Variants in TFPI2 observed in about 807,000 individuals in gnomAD.
TFPI2 encodes the protein placental protein 5.
In TFPI2, 23 loss-of-function variants were observed where a neutral mutation model predicts 23.1. That is an observed-to-expected ratio of 1.00 (90% CI 0.72 to 1.41). The LOEUF (loss-of-function observed/expected upper bound fraction) is 1.41, where lower values mean the gene tolerates loss of function less well. Ranked by LOEUF, TFPI2 falls within the 40% of genes most tolerant of loss-of-function variation. The pLI, the probability that TFPI2 is intolerant of heterozygous loss-of-function variation, is 0.00. For synonymous variants in TFPI2, 119 were observed against 111.7 expected (o/e 1.07, Z -0.41); for missense variants, 291 against 299.6 (o/e 0.97, Z 0.21).
chr7:93,886,901 AATCAAT>A lies in TFPI2; in HGVS notation c.632-11_632-6del. 6.5e-7 allele frequency: 1 copy of A among 1,539,076 alleles called. No homozygotes were observed. The highest frequency in any genetic ancestry group is 8.6e-7 in the Non-Finnish European group (1 of 1,158,360). Reference sequence around the variant, plus strand: ...TCTTCTTTTTCTTTTTCAAAGCTAAAATCAATAAAACGACAATGAAAATCATACATC... The same window carrying A: ...TCTTCTTTTTCTTTTTCAAAGCTAAAAAAACGACAATGAAAATCATACATC... On this transcript the variant is annotated splice_polypyrimidine_tract_variant and splice_region_variant and intron_variant, in intron 4 of 4. Coordinates refer to ENST00000222543, the MANE Select transcript of TFPI2 (RefSeq NM_006528.4).
intron 3 of TFPI2, among the ~76,000 whole-genome samples, chr7:93,887,775 G>A (rs913339869): frequency 1.3e-5 from 2 of 152,156 alleles, no homozygotes; most frequent in East Asian, 1.9e-4. Flanking sequence ...AAATTTTGTC[G>A]TGTTGGTAGT....
chr7:93,887,183 G>C, intron 4 of TFPI2, 78 bp downstream of exon 4: 3 of 1,388,350 alleles, frequency 2.2e-6, no homozygotes, highest in Non-Finnish European at 2.9e-6. Context: ...TTAGTAAAAT[G>C]GATAAATAAA....
At chr7:93,886,920 A>G (rs1794003964) in intron 4 of TFPI2, 24 bp from the exon 5 acceptor site, 2 of 1,482,978 alleles carry the variant, frequency 1.3e-6, no homozygotes, top group Admixed American at 2.4e-5. Context: ...AACGACAATG[A>G]AAATCATACA....
At chr7:93,890,562 G>GGAGA (rs755194302) in intron 1 of TFPI2, 29 bp downstream of exon 1, 14 of 1,608,430 alleles carry the variant, frequency 8.7e-6, no homozygotes, top group Middle Eastern at 1.7e-4. Context: ...CGCCGGTTGG[G>GGAGA]GAGAGAAGCT....
rs183289875 is a variant in TFPI2, at chr7:93,885,888, T to A, written c.*932A>T. 1.5e-4 allele frequency: 23 copies of A among 152,164 alleles called. 1 individual carries two copies. Among genetic ancestry groups the A allele is most frequent in the Admixed American group, 1.2e-3 (19 of 15,290 alleles). 9.4% of individuals were successfully genotyped at this position (152,164 alleles called of 1,614,324 possible). Reference sequence around the variant, plus strand: ...ATATGTTAATCTTGCTATGAAAACATAAGAATTTAGAAAAATTGTTTTATT... The same window carrying A: ...ATATGTTAATCTTGCTATGAAAACAAAAGAATTTAGAAAAATTGTTTTATT... On this transcript the variant is annotated 3_prime_UTR_variant, in exon 5 of 5. Transcript: ENST00000222543.
chr7:93,885,654 A>C lies in TFPI2; in HGVS notation c.*1166T>G, dbSNP rs1294302457. ...ATCCTGGGAGTCAGAAGATATGCAT[A>C]TATAGATATTTTGCTAACTCCTCAT... is the stretch of plus-strand genomic sequence containing the variant. On this transcript the variant is annotated 3_prime_UTR_variant, in exon 5 of 5. Coordinates refer to ENST00000222543, the MANE Select transcript of TFPI2 (RefSeq NM_006528.4). The C allele has an allele frequency of 6.6e-6, 1 of 152,010 alleles. No homozygotes were observed. The highest frequency in any genetic ancestry group is 1.5e-5 in the Non-Finnish European group (1 of 67,932). 9.4% of individuals were successfully genotyped at this position (152,010 alleles called of 1,614,324 possible). A position where few individuals can be genotyped will look rare whatever the true frequency, so the allele number is the denominator to read the frequency against.
chr7:93,885,969 T>TAAA lies in TFPI2; in HGVS notation c.*850_*851insTTT, dbSNP rs1793982348. On this transcript the variant is annotated 3_prime_UTR_variant, in exon 5 of 5. Coordinates refer to ENST00000222543, the MANE Select transcript of TFPI2 (RefSeq NM_006528.4). ...ATGACCATATTTAATCAATGATAAT[T>TAAA]TACTGGTGAAATTTAAATTATTAAA... 6.6e-6 allele frequency: 1 copy of TAAA among 152,038 alleles called. No homozygotes were observed. The highest frequency in any genetic ancestry group is 2.4e-5 in the African/African-American group (1 of 41,426). 9.4% of individuals were successfully genotyped at this position (152,038 alleles called of 1,614,324 possible). A position where few individuals can be genotyped will look rare whatever the true frequency, so the allele number is the denominator to read the frequency against.
intron 3 of TFPI2, 135 bp from the exon 4 acceptor site, chr7:93,887,566 TTAA>T: frequency 1.5e-6 from 1 of 654,576 alleles, no homozygotes; most frequent in Non-Finnish European, 2.5e-6. Context: ...TACTAAACCT[TTAA>T]AAAGATGTGC....
In TFPI2 at chr7:93,888,540, GGAAA is replaced by G. The variant is rs1562778381; in HGVS notation, c.460+491_460+494del. 2.7e-3 allele frequency among the ~76,000 whole-genome samples: 247 copies of G among 90,824 alleles called. 2 individuals are homozygous for G. The highest frequency in any genetic ancestry group is 0.01 in the African/African-American group (201 of 19,204). 59.6% of individuals were successfully genotyped at this position (90,824 alleles called of 152,430 possible). A position where few individuals can be genotyped will look rare whatever the true frequency, so the allele number is the denominator to read the frequency against. On this transcript the variant is annotated intron_variant, in intron 3 of 4. Transcript: ENST00000222543. ...AAGAAAGAAAGAAGGAAGGAAGGAA[GGAAA>G]GAAGGAAGGAAGGAAGGAAGGAAGG...
intron 3 of TFPI2, among the ~76,000 whole-genome samples, chr7:93,888,658 A>AAAG (rs1794061186): frequency 1.5e-5 from 2 of 133,416 alleles, no homozygotes; most frequent in African/African-American, 5.0e-5. Flanking sequence ...AGAGAAAGAG[A>AAAG]AAGAAGAAAA....
At chr7:93,888,410 G>C (rs1426682886) in intron 3 of TFPI2, among the ~76,000 whole-genome samples, 1 of 151,808 alleles carries the variant, frequency 6.6e-6, no homozygotes, top group Non-Finnish European at 1.5e-5. Context: ...TGTAATCCCA[G>C]CATTTTGGGA....
chr7:93,887,204 T>A, intron 4 of TFPI2, 57 bp downstream of exon 4: 1 of 1,488,720 alleles, frequency 6.7e-7, no homozygotes, highest in East Asian at 2.4e-5. Flanking sequence ...AATATAATTT[T>A]TCTGATAAGT....
rs150637497 is a variant in TFPI2 at position 93,889,120 on chromosome 7, G to T, written c.375C>A (p.Phe125Leu). ...FNLSSMTCEK[F>L]FSGGCHRNRI... is the part of the protein sequence containing the mutation. ...GGTTCCGGTGACACCCACCGGAAAAGAATTTTTCACATGTCATGGAACTTA... is the reference window on the plus strand; with the variant it reads ...GGTTCCGGTGACACCCACCGGAAAATAATTTTTCACATGTCATGGAACTTA... Residue 125 changes from phenylalanine to leucine, a missense_variant, in exon 3 of 5, where the codon TTC (phenylalanine) becomes TTA (leucine). By Grantham distance (22) the Phe-to-Leu change is conservative. Transcript: ENST00000222543. 364 of 1,613,184 alleles carry T rather than the reference G, an allele frequency of 2.3e-4. No homozygotes were observed. Among genetic ancestry groups the T allele is most frequent in the Middle Eastern group, 9.9e-4 (6 of 6,082 alleles).
chr7:93,887,551 TATC>T, intron 3 of TFPI2, 120 bp from the exon 4 acceptor site: 1 of 731,608 alleles, frequency 1.4e-6, no homozygotes, highest in African/African-American at 1.8e-5. Context: ...GAATCCAAAA[TATC>T]ATACTAAACC....
At chr7:93,889,011 A>G (rs1327067442) in intron 3 of TFPI2, 24 bp downstream of exon 3, 1 of 1,570,930 alleles carries the variant, frequency 6.4e-7, no homozygotes, top group Non-Finnish European at 8.6e-7. Flanking sequence ...AGTGAAATAG[A>G]AATACCATAA....
chr7:93,888,943 T>C (rs894567561), intron 3 of TFPI2, 92 bp downstream of exon 3: 2 of 1,154,082 alleles, frequency 1.7e-6, no homozygotes, highest in Non-Finnish European at 1.2e-6. Context: ...ATCATGAAAA[T>C]GCACATGTTA....
At chr7:93,890,104 C>T in intron 2 of TFPI2, 33 bp downstream of exon 2, 1 of 1,533,038 alleles carries the variant, frequency 6.5e-7, no homozygotes, top group Non-Finnish European at 8.8e-7. Flanking sequence ...GCGCAAGGAG[C>T]GCGAGAGTCC....
At chr7:93,889,254 AG>A in intron 2 of TFPI2, 31 bp from the exon 3 acceptor site, 16 of 1,524,252 alleles carry the variant, frequency 1.0e-5, no homozygotes, top group Non-Finnish European at 1.4e-5. Flanking sequence ...GAACAATGTT[AG>A]TCAAAAGTAG....
At chr7:93,890,087 G>C in intron 2 of TFPI2, 50 bp downstream of exon 2, 1 of 1,503,854 alleles carries the variant, frequency 6.6e-7, no homozygotes, top group Non-Finnish European at 8.9e-7. Flanking sequence ...GCTGCTACCA[G>C]CCGCCGGCGC....
Sources: allele counts gnomAD v4.1 joint callset (sites outside exome capture counted in the v4.1 genomes callset), GRCh38; gene constraint gnomAD v4.1.1; transcripts MANE v1.5; gene names NCBI Gene and HGNC (gene_info 2026-07-23, HGNC 2026-07-21).